Variants in RASAL2 observed in about 807,000 individuals in gnomAD.
The protein encoded by RASAL2 is ras GTPase-activating protein nGAP.
RASAL2 carries 58 observed loss-of-function variants against 128.9 expected under a neutral mutation model. That is an observed-to-expected ratio of 0.45 (90% CI 0.36 to 0.56). RASAL2 has a LOEUF of 0.56. Ranked by LOEUF, RASAL2 falls within the 20% of genes least tolerant of loss-of-function variation. The probability of loss-of-function intolerance (pLI) is 0.00; values close to 1 mark genes in which losing one functional copy is unlikely to be tolerated. For missense variants in RASAL2, 1,360 were observed against 1,601.6 expected (o/e 0.85, Z 2.57); for synonymous variants, 561 against 580.8 (o/e 0.97, Z 0.49).
chr1:178,231,316 G>C (rs575941613), intron 1 of RASAL2, among the ~76,000 whole-genome samples: 6 of 152,192 alleles, frequency 3.9e-5, no homozygotes, highest in East Asian at 3.9e-4. Flanking sequence ...TCATATGCTT[G>C]TTGGCCTTTA....
intron 1 of RASAL2, among the ~76,000 whole-genome samples, chr1:178,152,441 T>C (rs1660943668): frequency 6.6e-6 from 1 of 152,184 alleles, no homozygotes; most frequent in South Asian, 2.1e-4. Context: ...GAGGTTGTTG[T>C]GGAGACCCCT....
intron 1 of RASAL2, among the ~76,000 whole-genome samples, chr1:178,119,927 G>A (rs1418640736): frequency 1.3e-5 from 2 of 152,172 alleles, no homozygotes; most frequent in African/African-American, 4.8e-5. Flanking sequence ...CATGACAGTT[G>A]TCCTTAACAG....
At chr1:178,191,237 A>G (rs942504798) in intron 1 of RASAL2, among the ~76,000 whole-genome samples, 8 of 152,188 alleles carry the variant, frequency 5.3e-5, no homozygotes, top group African/African-American at 1.9e-4. Context: ...AGTTACAGGC[A>G]GAATTAGACG....
chr1:178,471,551 C>T (rs1468888311), intron 17 of RASAL2, among the ~76,000 whole-genome samples: 1 of 152,094 alleles, frequency 6.6e-6, no homozygotes, highest in Non-Finnish European at 1.5e-5. Context: ...CACATGAGTT[C>T]TCCATCAGGG....
At chr1:178,225,494 C>T (rs1663754239) in intron 1 of RASAL2, among the ~76,000 whole-genome samples, 3 of 151,644 alleles carry the variant, frequency 2.0e-5, no homozygotes, top group Admixed American at 2.0e-4. Context: ...GATTCCTTTC[C>T]ATATACATTT....
At chr1:178,342,021 A>G (rs565271056) in intron 3 of RASAL2, among the ~76,000 whole-genome samples, 3 of 152,208 alleles carry the variant, frequency 2.0e-5, no homozygotes, top group Non-Finnish European at 4.4e-5. Flanking sequence ...ACCATCAACA[A>G]GATATTAACA....
intron 1 of RASAL2, among the ~76,000 whole-genome samples, chr1:178,111,268 C>T (rs1201717475): frequency 1.3e-5 from 2 of 152,104 alleles, no homozygotes; most frequent in African/African-American, 2.4e-5. Flanking sequence ...CACCACCACA[C>T]CTGGCTAATT....
intron 14 of RASAL2, among the ~76,000 whole-genome samples, chr1:178,459,748 G>A (rs1338001717): frequency 6.6e-6 from 1 of 151,956 alleles, no homozygotes; most frequent in Non-Finnish European, 1.5e-5. Flanking sequence ...AGACTTCCTG[G>A]GCTAAACCTC....
intron 3 of RASAL2, among the ~76,000 whole-genome samples, chr1:178,345,836 G>T (rs1670122602): frequency 1.3e-5 from 2 of 152,334 alleles, no homozygotes; most frequent in South Asian, 2.1e-4. Context: ...GACAAGGGAA[G>T]ATGTGATAAG....
intron 17 of RASAL2, among the ~76,000 whole-genome samples, chr1:178,469,260 G>T (rs1389831675): frequency 6.6e-6 from 1 of 152,034 alleles, no homozygotes; most frequent in Non-Finnish European, 1.5e-5. Context: ...TTGCGCCAGT[G>T]CACTATAGCC....
chr1:178,300,688 A>G (rs1994233), intron 3 of RASAL2, among the ~76,000 whole-genome samples: 15,578 of 152,252 alleles, frequency 0.1, 835 homozygotes, highest in Middle Eastern at 0.14. Context: ...CCATTGTTAT[A>G]TACTAAAGGA....
At chr1:178,138,740 T>G (rs1193006960) in intron 1 of RASAL2, among the ~76,000 whole-genome samples, 1 of 152,170 alleles carries the variant, frequency 6.6e-6, no homozygotes. Flanking sequence ...AATTTATACC[T>G]TTTGGTATGG....
chr1:178,227,210 C>A (rs978771609), intron 1 of RASAL2, among the ~76,000 whole-genome samples: 1 of 151,936 alleles, frequency 6.6e-6, no homozygotes, highest in African/African-American at 2.4e-5. Context: ...AAAAAAAACA[C>A]CCTATTTATT....
intron 3 of RASAL2, among the ~76,000 whole-genome samples, chr1:178,355,533 C>G (rs1670756718): frequency 6.6e-6 from 1 of 152,076 alleles, no homozygotes; most frequent in African/African-American, 2.4e-5. Flanking sequence ...AATAATACCA[C>G]TTTTAGAATA....
At chr1:178,338,500 T>C (rs1669705682) in intron 3 of RASAL2, among the ~76,000 whole-genome samples, 1 of 152,174 alleles carries the variant, frequency 6.6e-6, no homozygotes, top group Non-Finnish European at 1.5e-5. Context: ...TCCCATAATA[T>C]TACTTTTATA....
intron 1 of RASAL2, among the ~76,000 whole-genome samples, chr1:178,180,485 C>CAAAAA (rs71108033): frequency 2.8e-5 from 2 of 72,562 alleles, no homozygotes; most frequent in African/African-American, 1.0e-4. Context: ...TCATCTCTAC[C>CAAAAA]AAAAAAAAAA....
intron 17 of RASAL2, among the ~76,000 whole-genome samples, chr1:178,472,273 A>G (rs2102971949): frequency 6.6e-6 from 1 of 152,110 alleles, no homozygotes; most frequent in African/African-American, 2.4e-5. Flanking sequence ...GTGTGTGTGT[A>G]TTCACCAATG....
At chr1:178,385,634 A>C (rs1672521590) in intron 3 of RASAL2, among the ~76,000 whole-genome samples, 1 of 152,054 alleles carries the variant, frequency 6.6e-6, no homozygotes, top group Admixed American at 6.6e-5. Flanking sequence ...GGGTTCTTTA[A>C]AATATAGTAG....
At chr1:178,159,003 G>C (rs1198404283) in intron 1 of RASAL2, among the ~76,000 whole-genome samples, 1 of 152,146 alleles carries the variant, frequency 6.6e-6, no homozygotes, top group Non-Finnish European at 1.5e-5. Context: ...TATTTACCCT[G>C]TGAGCTCAAA....
Sources: allele counts gnomAD v4.1 joint callset (sites outside exome capture counted in the v4.1 genomes callset), GRCh38; gene constraint gnomAD v4.1.1; transcripts MANE v1.5; gene names NCBI Gene and HGNC (gene_info 2026-07-23, HGNC 2026-07-21).